The following CTNNA2 variants were observed in gnomAD, a reference collection of about 807,000 sequenced individuals.
CTNNA2 encodes catenin alpha 2.
In CTNNA2, 42 loss-of-function variants were observed where a neutral mutation model predicts 101.0. The observed-to-expected ratio is 0.42, with a 90% CI of 0.32 to 0.54. The LOEUF is 0.54. Ranked by LOEUF, CTNNA2 falls within the 20% of genes least tolerant of loss-of-function variation. CTNNA2 has a pLI of 0.14. For synonymous variants in CTNNA2, 450 were observed against 456.4 expected (o/e 0.99, Z 0.18); for missense variants, 871 against 1,223.1 (o/e 0.71, Z 4.29).
At chr2:80,427,081 C>T (rs2149419262) in intron 9 of CTNNA2, among the ~76,000 whole-genome samples, 1 of 152,080 alleles carries the variant, frequency 6.6e-6, no homozygotes, top group Admixed American at 6.5e-5. Flanking sequence ...CAACCCAGCT[C>T]CTAGCCAAGC....
At chr2:80,248,618 C>T (rs1340531213) in intron 7 of CTNNA2, among the ~76,000 whole-genome samples, 2 of 152,142 alleles carry the variant, frequency 1.3e-5, no homozygotes, top group Non-Finnish European at 2.9e-5. Context: ...GTGCTGCTTC[C>T]CCGGAGAGTC....
Position 79,452,522 on chromosome 2 carries a change from A to AT in CTNNA2, c.-134-52526dup, listed in dbSNP as rs151088575. 5.3e-3 allele frequency among the ~76,000 whole-genome samples: 800 copies of AT among 152,002 alleles called. 31 individuals are homozygous for AT. In the East Asian group the frequency reaches 0.075, roughly 14 times the overall value. ...TATCTAAATATTATAGTTAAGAGAGATTTTTTCTCCCTTTAAAATAAAGGT... is the reference window on the plus strand; with the variant it reads ...TATCTAAATATTATAGTTAAGAGAGATTTTTTTCTCCCTTTAAAATAAAGGT... On this transcript the variant is annotated intron_variant, in intron 4 of 21. Transcript: ENST00000466387.
At chr2:79,495,997 T>A (rs1279710430) in intron 4 of CTNNA2, among the ~76,000 whole-genome samples, 1 of 151,854 alleles carries the variant, frequency 6.6e-6, no homozygotes, top group Non-Finnish European at 1.5e-5. Flanking sequence ...GAGGAGGGAA[T>A]AAGAAGAATG....
chr2:79,818,647 T>C (rs780436817), intron 3 of CTNNA2, among the ~76,000 whole-genome samples: 1 of 151,686 alleles, frequency 6.6e-6, no homozygotes. Context: ...GTTAATGATC[T>C]TCAGGTAGCA....
rs1038300101 is a variant in CTNNA2, at chr2:79,450,879, G to T, written c.-134-54175G>T. ...TTATTATCCATGTATTCCAGTTCAG[G>T]GCCTAGGTGGTTGGAGCCCATCTAG... On this transcript the variant is annotated intron_variant, in intron 4 of 21. Coordinates refer to the CTNNA2 transcript ENST00000466387. Among the ~76,000 whole-genome samples the T allele has an allele frequency of 2.6e-5, 4 of 152,036 alleles. No homozygotes were observed. In the South Asian group the frequency reaches 8.3e-4, roughly 32 times the overall value.
At chr2:80,559,560 T>A (rs1465383033) in intron 12 of CTNNA2, among the ~76,000 whole-genome samples, 1 of 152,212 alleles carries the variant, frequency 6.6e-6, no homozygotes, top group Non-Finnish European at 1.5e-5. Context: ...GAATGCTGAA[T>A]TAAATTTAAG....
chr2:79,954,175 A>C (rs747739250), intron 7 of CTNNA2, among the ~76,000 whole-genome samples: 3 of 152,172 alleles, frequency 2.0e-5, no homozygotes, highest in Non-Finnish European at 4.4e-5. Flanking sequence ...CCATCAGATC[A>C]CGTGAGAATT....
intron 7 of CTNNA2, among the ~76,000 whole-genome samples, chr2:80,134,080 G>A (rs1001286182): frequency 1.3e-5 from 2 of 152,128 alleles, no homozygotes; most frequent in African/African-American, 4.8e-5. Flanking sequence ...TTATTTTACA[G>A]ATTGTTGGGA....
intron 8 of CTNNA2, among the ~76,000 whole-genome samples, chr2:80,406,654 G>A (rs1679089022): frequency 6.6e-6 from 1 of 151,880 alleles, no homozygotes; most frequent in Non-Finnish European, 1.5e-5. Flanking sequence ...GTGAAACCCT[G>A]TCTCTACTAA....
upstream of CTNNA2, among the ~76,000 whole-genome samples, chr2:79,508,073 A>G (rs1671452418): frequency 6.6e-6 from 1 of 152,224 alleles, no homozygotes; most frequent in Admixed American, 6.5e-5. Flanking sequence ...ATAAGGTCAC[A>G]GGAGTGAACA....
At position 80,089,903 on chromosome 2, in the gene CTNNA2, C is replaced by G. The variant is rs151153961; in HGVS notation, c.1056+180106C>G. Among the ~76,000 whole-genome samples, 450 of 152,122 alleles carry G rather than the reference C, an allele frequency of 3.0e-3. 3 individuals are homozygous for G. The highest frequency in any genetic ancestry group is 9.3e-3 in the African/African-American group (386 of 41,522). ...AGGGCCCTCCAAGCTGGAGGACTTT[C>G]ATTTCCCCAGCTCTCCCCAGTTCTC... On this transcript the variant is annotated intron_variant, in intron 7 of 18. Coordinates refer to ENST00000402739, the MANE Select transcript of CTNNA2 (RefSeq NM_001282597.3).
At chr2:79,375,628 T>C (rs1476880818) in intron 4 of CTNNA2, among the ~76,000 whole-genome samples, 1 of 152,086 alleles carries the variant, frequency 6.6e-6, no homozygotes, top group African/African-American at 2.4e-5. Context: ...TACTCTATAC[T>C]AGGGAAAAAT....
intron 7 of CTNNA2, among the ~76,000 whole-genome samples, chr2:79,918,117 T>G (rs2104367039): frequency 6.6e-6 from 1 of 152,248 alleles, no homozygotes; most frequent in Admixed American, 6.5e-5. Flanking sequence ...GAACAATCAA[T>G]ACTTCTATCT....
At chr2:79,864,494 T>C (rs1031558869) in intron 4 of CTNNA2, among the ~76,000 whole-genome samples, 1 of 152,162 alleles carries the variant, frequency 6.6e-6, no homozygotes, top group Non-Finnish European at 1.5e-5. Flanking sequence ...ACTAATAATT[T>C]GATTCAGATT....
intron 9 of CTNNA2, among the ~76,000 whole-genome samples, chr2:80,533,333 C>CA (rs1267093251): frequency 6.6e-5 from 10 of 151,526 alleles, no homozygotes; most frequent in Admixed American, 2.0e-4. Context: ...ATCCCCTCCG[C>CA]AAAAAAAAGA....
At chr2:80,206,029 C>T (rs1340463656) in intron 7 of CTNNA2, among the ~76,000 whole-genome samples, 1 of 152,176 alleles carries the variant, frequency 6.6e-6, no homozygotes, top group African/African-American at 2.4e-5. Flanking sequence ...GTTCAGCTTT[C>T]TTGTCATGGT....
At chr2:79,310,600 T>C (rs1676345218) in intron 2 of CTNNA2, among the ~76,000 whole-genome samples, 1 of 152,296 alleles carries the variant, frequency 6.6e-6, no homozygotes, top group Non-Finnish European at 1.5e-5. Context: ...AGGAGAAGGA[T>C]TTAAAGAAAC....
chr2:80,589,587 A>ACC, intron 15 of CTNNA2, 102 bp downstream of exon 15: 1 of 1,080,848 alleles, frequency 9.3e-7, no homozygotes, highest in Non-Finnish European at 1.3e-6. Flanking sequence ...AAAATATACC[A>ACC]ACGCAAGGTG....
intron 2 of CTNNA2, among the ~76,000 whole-genome samples, chr2:79,211,955 T>C (rs902580721): frequency 6.6e-6 from 1 of 152,086 alleles, no homozygotes; most frequent in Non-Finnish European, 1.5e-5. Context: ...AGGGGTGATA[T>C]TGTGGGACTG....
Sources: allele counts gnomAD v4.1 joint callset (sites outside exome capture counted in the v4.1 genomes callset), GRCh38; gene constraint gnomAD v4.1.1; transcripts MANE v1.5; gene names NCBI Gene and HGNC (gene_info 2026-07-23, HGNC 2026-07-21).